Variants in ARL8A observed in about 807,000 individuals in gnomAD.
ARL8A encodes the protein ARF like GTPase 8A, also known as ADP-ribosylation factor-like protein 8A.
ARL8A carries 10 observed loss-of-function variants against 31.2 expected under a neutral mutation model. The ratio of observed to expected loss-of-function variants is 0.32; its 90% CI spans 0.20 to 0.54. The LOEUF is 0.54. ARL8A is among the 20% of genes least tolerant of loss of function. The probability of loss-of-function intolerance (pLI) is 0.93; values close to 1 mark genes in which losing one functional copy is unlikely to be tolerated. For synonymous variants in ARL8A, 70 were observed against 86.9 expected, an observed-to-expected ratio of 0.81 and a Z score of 1.08; for missense variants, 129 against 242.8, an observed-to-expected ratio of 0.53 and a Z score of 3.12.
rs1182067883 is a variant in ARL8A at position 202,134,341 on chromosome 1, C to A, written c.*126G>T. 6.6e-6 allele frequency: 6 copies of A among 903,126 alleles called. No homozygotes were observed. The East Asian group carries it at 1.5e-4, about 22-fold the overall frequency. The allele number at this position is 903,126 out of a possible 1,614,324, so 55.9% of individuals were successfully genotyped here. ...CTCAGCAGAACAGGACTCTGGGGTC[C>A]CCAGAGGGCCCTCCTCACACTGGGT... On this transcript the variant is annotated 3_prime_UTR_variant, in exon 7 of 7. Coordinates refer to ENST00000272217, the MANE Select transcript of ARL8A (RefSeq NM_138795.4). This position sits in a 1 kb window ranked among gnomAD's most constrained non-coding sequence, Gnocchi z 4.2.
rs753019266 is a variant in ARL8A, at chr1:202,138,343, A to AC, written c.204+24dup. The AC allele has an allele frequency of 8.1e-6, 13 of 1,598,042 alleles. No individual in the cohort carries two copies. Among genetic ancestry groups the AC allele is most frequent in the South Asian group, 2.2e-5 (2 of 90,662 alleles). ...CACACACACAAAAACAGTCCTCTGC[A>AC]CCCCCCAAGCTTCTGGGCCCTCACC... On this transcript the variant is annotated intron_variant, in intron 2 of 6. Transcript: ENST00000272217. This position sits in a 1 kb window ranked among gnomAD's most constrained non-coding sequence, Gnocchi z 4.4.
At chr1:202,141,930 C>T (rs1328626447) in intron 1 of ARL8A, among the ~76,000 whole-genome samples, 1 of 151,164 alleles carries the variant, frequency 6.6e-6, no homozygotes, top group Non-Finnish European at 1.5e-5. Context: ...AGTGGCGGCA[C>T]GATCTTAACT....
Position 202,135,614 on chromosome 1 carries a change from C to A in ARL8A, c.373-88G>T. 6.3e-7 allele frequency: 1 copy of A among 1,577,888 alleles called. No individual in the cohort carries two copies. Among genetic ancestry groups the A allele is most frequent in the South Asian group, 1.1e-5 (1 of 90,266 alleles). On this transcript the variant is annotated intron_variant, in intron 4 of 6. Transcript: ENST00000272217. This position sits in a 1 kb window ranked among gnomAD's most constrained non-coding sequence, Gnocchi z 5.3. ...GAGCTGGCCTCCTGGGTCCCGTTTC[C>A]TCTCTGCGCCCCTACCATGCCTGGC...
rs948675895 is a variant in ARL8A, at chr1:202,135,999, G to A, written c.279-199C>T. Among the ~76,000 whole-genome samples, 1 of 152,128 alleles carries A rather than the reference G, an allele frequency of 6.6e-6. No individual in the cohort carries two copies. The highest frequency in any genetic ancestry group is 2.4e-5 in the African/African-American group (1 of 41,414). ...GTCTATGGGAGTGAACAGCTGCAGG[G>A]ACTCCTTAGGCCTGCCATTAGCCTC... is the stretch of plus-strand genomic sequence containing the variant. On this transcript the variant is annotated intron_variant, in intron 3 of 6. Coordinates refer to ENST00000272217, the MANE Select transcript of ARL8A (RefSeq NM_138795.4). This position sits in a 1 kb window ranked among gnomAD's most constrained non-coding sequence, Gnocchi z 5.3.
chr1:202,139,569 G>A (rs1655109493), intron 1 of ARL8A, among the ~76,000 whole-genome samples: 1 of 149,164 alleles, frequency 6.7e-6, no homozygotes, highest in South Asian at 2.1e-4. Context: ...CAAGACTCCG[G>A]CTTGAGAAAA....
chr1:202,139,644 T>C (rs990732646), intron 1 of ARL8A, among the ~76,000 whole-genome samples: 5 of 131,406 alleles, frequency 3.8e-5, no homozygotes, highest in African/African-American at 1.4e-4. Context: ...TTTTTTTTTT[T>C]TTTTTTTTTT....
At chr1:202,139,152 C>T (rs1292823187) in intron 1 of ARL8A, among the ~76,000 whole-genome samples, 2 of 152,144 alleles carry the variant, frequency 1.3e-5, no homozygotes, top group Non-Finnish European at 2.9e-5. Flanking sequence ...TCTGTATTGT[C>T]TCTAGGATTT....
Position 202,144,586 on chromosome 1 carries a change from G to A in ARL8A, c.-14C>T. The stretch of plus-strand genomic sequence containing the variant: ...CAAAGCGATCATGGTCGCTGCCGCC[G>A]GCCCCGCCCGGTGCCAGGTCCCCGC... On this transcript the variant is annotated 5_prime_UTR_variant, in exon 1 of 7. Transcript: ENST00000272217. The surrounding 1 kb of genome is among the most constrained non-coding windows in gnomAD (Gnocchi z 5.2). The A allele has an allele frequency of 7.1e-7, 1 of 1,405,142 alleles. No individual in the cohort carries two copies. The highest frequency in any genetic ancestry group is 1.2e-5 in the South Asian group (1 of 81,896). The allele number at this position is 1,405,142 out of a possible 1,614,324, so 87.0% of individuals were successfully genotyped here.
In ARL8A at chr1:202,135,121, C is replaced by T. The variant is rs745645592; in HGVS notation, c.511+29G>A. On this transcript the variant is annotated intron_variant, in intron 6 of 6. Transcript: ENST00000272217. The surrounding 1 kb of genome is among the most constrained non-coding windows in gnomAD (Gnocchi z 5.3). Reference sequence around the variant, plus strand: ...TAAAACACTCAGAAATGCCTCTCCCCTCTCCTCCCTTTCCCCCATCCTACG... The same window carrying T: ...TAAAACACTCAGAAATGCCTCTCCCTTCTCCTCCCTTTCCCCCATCCTACG... 3.7e-6 allele frequency: 6 copies of T among 1,600,894 alleles called. No homozygotes were observed. The Admixed American group carries it at 6.7e-5, about 18-fold the overall frequency.
chr1:202,138,358 G>A lies in ARL8A; in HGVS notation c.204+10C>T, dbSNP rs1655075702. On this transcript the variant is annotated intron_variant, in intron 2 of 6. Coordinates refer to ENST00000272217, the MANE Select transcript of ARL8A (RefSeq NM_138795.4). The surrounding 1 kb of genome is among the most constrained non-coding windows in gnomAD (Gnocchi z 4.4). ...AGTCCTCTGCACCCCCCAAGCTTCT[G>A]GGCCCTCACCTTGATAGTCACATTC... 3 of 1,610,818 alleles carry A rather than the reference G, an allele frequency of 1.9e-6. No individual in the cohort carries two copies. The highest frequency in any genetic ancestry group is 1.3e-5 in the African/African-American group (1 of 74,398).
At position 202,133,553 on chromosome 1, in the gene ARL8A, T is replaced by G. The variant is rs1270105521; in HGVS notation, c.*914A>C. 4 of 152,146 alleles carry G rather than the reference T, an allele frequency of 2.6e-5. No homozygotes were observed. Among genetic ancestry groups the G allele is most frequent in the African/African-American group, 9.7e-5 (4 of 41,410 alleles). The allele number at this position is 152,146 out of a possible 1,614,324, so 9.4% of individuals were successfully genotyped here. ...AAGAGGAACATCACTTTACAAATCA[T>G]TAAATTAAACAAATAAACAAACAGA... is the stretch of plus-strand genomic sequence containing the variant. On this transcript the variant is annotated 3_prime_UTR_variant, in exon 7 of 7. Coordinates refer to ENST00000272217, the MANE Select transcript of ARL8A (RefSeq NM_138795.4).
intron 1 of ARL8A, among the ~76,000 whole-genome samples, chr1:202,139,487 C>T (rs1037787068): frequency 3.3e-5 from 5 of 150,838 alleles, no homozygotes; most frequent in Non-Finnish European, 5.9e-5. Context: ...GCAGGTGAAT[C>T]GCTTGAACCC....
Position 202,138,313 on chromosome 1 carries a change from A to G in ARL8A, c.204+55T>C. The G allele has an allele frequency of 6.5e-7, 1 of 1,540,448 alleles. No homozygotes were observed. The highest frequency in any genetic ancestry group is 1.1e-5 in the South Asian group (1 of 89,304). ...CTCCCCAACACACACACACACACAC[A>G]CACACACACACACAAAAACAGTCCT... On this transcript the variant is annotated intron_variant, in intron 2 of 6. Coordinates refer to ENST00000272217, the MANE Select transcript of ARL8A (RefSeq NM_138795.4). The surrounding 1 kb of genome is among the most constrained non-coding windows in gnomAD (Gnocchi z 4.4).
In ARL8A at chr1:202,134,449, G is replaced by A. The variant is rs1435469734; in HGVS notation, c.*18C>T. The A allele has an allele frequency of 1.2e-6, 2 of 1,610,336 alleles. No individual in the cohort carries two copies. The highest frequency in any genetic ancestry group is 1.7e-6 in the Non-Finnish European group (2 of 1,176,700). The stretch of plus-strand genomic sequence containing the variant: ...TAGATGATGACGGTCCCTGGTCTGA[G>A]GGAGAAGGGCTGGAGTCTCAGCTTC... On this transcript the variant is annotated 3_prime_UTR_variant, in exon 7 of 7. Transcript: ENST00000272217. This position sits in a 1 kb window ranked among gnomAD's most constrained non-coding sequence, Gnocchi z 4.2.
rs1655234270 is a variant in ARL8A at position 202,144,018 on chromosome 1, G to C, written c.123+432C>G. Among the ~76,000 whole-genome samples, 1 of 152,226 alleles carries C rather than the reference G, an allele frequency of 6.6e-6. No homozygotes were observed. Among genetic ancestry groups the C allele is most frequent in the Admixed American group, 6.5e-5 (1 of 15,288 alleles). The stretch of plus-strand genomic sequence containing the variant: ...GGGCTTGCCCAAACCCCCTCCTCAA[G>C]CCTCTCGGCCGCCCCGTCCCGTGAC... On this transcript the variant is annotated intron_variant, in intron 1 of 6. Transcript: ENST00000272217. This position sits in a 1 kb window ranked among gnomAD's most constrained non-coding sequence, Gnocchi z 5.2.
intron 1 of ARL8A, among the ~76,000 whole-genome samples, chr1:202,143,877 G>T (rs1294078975): frequency 6.6e-6 from 1 of 152,218 alleles, no homozygotes; most frequent in Non-Finnish European, 1.5e-5. Context: ...AGGAGTCTGG[G>T]CTTGAGCCAA....
At chr1:202,137,745 T>C (rs1374749188) in intron 3 of ARL8A, among the ~76,000 whole-genome samples, 2 of 152,204 alleles carry the variant, frequency 1.3e-5, no homozygotes, top group Non-Finnish European at 2.9e-5. Flanking sequence ...GGCTGGTTAA[T>C]AGTCTATAGT....
In ARL8A at chr1:202,144,566, C is replaced by T. The variant is rs769328843; in HGVS notation, c.7G>A (p.Ala3Thr). ...CAGTCCAGCAGCTTGTTGAACAAAG[C>T]GATCATGGTCGCTGCCGCCGGCCCC... is the stretch of plus-strand genomic sequence containing the variant. MI[A>T]LFNKLLDWFK... The change falls in exon 1 of 7, where the codon GCT becomes ACT. Residue 3 changes from alanine to threonine, a missense_variant. Physicochemically the swap from Ala to Thr is moderately conservative, Grantham distance 58 (BLOSUM62 0). Coordinates refer to ENST00000272217, the MANE Select transcript of ARL8A (RefSeq NM_138795.4). This position sits in a 1 kb window ranked among gnomAD's most constrained non-coding sequence, Gnocchi z 5.2. 1.2e-4 allele frequency: 178 copies of T among 1,429,418 alleles called. No individual in the cohort carries two copies. Among genetic ancestry groups the T allele is most frequent in the Non-Finnish European group, 1.6e-4 (168 of 1,070,430 alleles). The allele number at this position is 1,429,418 out of a possible 1,614,324, so 88.5% of individuals were successfully genotyped here. A position where few individuals can be genotyped will look rare whatever the true frequency, so the allele number is the denominator to read the frequency against.
Position 202,143,829 on chromosome 1 carries a change from C to A in ARL8A, c.123+621G>T, listed in dbSNP as rs562243210. On this transcript the variant is annotated intron_variant, in intron 1 of 6. Transcript: ENST00000272217. ...CCGTTACCATGCGATCCTCCCTGGA[C>A]CCCCGGCTAGACACTGCGGGTCGGG... Among the ~76,000 whole-genome samples the A allele has an allele frequency of 4.9e-4, 75 of 152,342 alleles. 1 individual carries two copies. Among genetic ancestry groups the A allele is most frequent in the African/African-American group, 1.7e-3 (71 of 41,584 alleles).
Sources: gnomAD v4.1 joint callset for allele counts (sites outside exome capture counted in the v4.1 genomes callset) on GRCh38, gnomAD v4.1.1 for gene constraint, Gnocchi (gnomAD v3.1) non-coding constraint, MANE v1.5 for transcripts, NCBI Gene and HGNC (gene_info 2026-07-23, HGNC 2026-07-21) for gene names.